The following FNDC3B variants were observed in gnomAD, a reference collection of about 807,000 sequenced individuals.
FNDC3B encodes the protein fibronectin type III domain-containing protein 3B.
Under a neutral mutation model 151.5 loss-of-function variants are expected in FNDC3B, and 12 were observed. The ratio of observed to expected loss-of-function variants is 0.08; its 90% CI spans 0.05 to 0.13. The LOEUF (loss-of-function observed/expected upper bound fraction) is 0.13. Among genes scored for constraint, FNDC3B ranks in the 10% least tolerant of loss-of-function variants. FNDC3B has a pLI of 1.00. For missense variants in FNDC3B, 1,214 were observed against 1,505.3 expected (o/e 0.81, Z 3.20); for synonymous variants, 528 against 549.0 (o/e 0.96, Z 0.54).
At chr3:172,394,436 C>G (rs7615556) in intron 25 of FNDC3B, among the ~76,000 whole-genome samples, 1 of 151,754 alleles carries the variant, frequency 6.6e-6, no homozygotes, top group Non-Finnish European at 1.5e-5. Flanking sequence ...GCAAATACCC[C>G]AGAAATACAC....
chr3:172,057,204 T>C (rs892513362), intron 1 of FNDC3B, among the ~76,000 whole-genome samples: 1 of 152,200 alleles, frequency 6.6e-6, no homozygotes, highest in Non-Finnish European at 1.5e-5. Flanking sequence ...AGCGATCAGG[T>C]CTTGACATTA....
intron 3 of FNDC3B, among the ~76,000 whole-genome samples, chr3:172,207,092 T>C (rs908331038): frequency 2.5e-5 from 3 of 118,232 alleles, no homozygotes; most frequent in East Asian, 5.0e-4. Flanking sequence ...ACCCAGAGAA[T>C]TGGTAGTCCC....
chr3:172,066,448 C>T (rs139742510), intron 1 of FNDC3B, among the ~76,000 whole-genome samples: 2 of 152,328 alleles, frequency 1.3e-5, no homozygotes, highest in East Asian at 3.9e-4. Flanking sequence ...TAGGTAACTC[C>T]CTTCTGCAGC....
intron 1 of FNDC3B, among the ~76,000 whole-genome samples, chr3:172,076,178 A>C (rs1717998873): frequency 6.6e-6 from 1 of 152,234 alleles, no homozygotes; most frequent in South Asian, 2.1e-4. Flanking sequence ...ATAAAATTTA[A>C]CTAGGGCCAG....
chr3:172,203,730 A>G (rs1725276622), intron 3 of FNDC3B, among the ~76,000 whole-genome samples: 1 of 152,194 alleles, frequency 6.6e-6, no homozygotes, highest in Admixed American at 6.5e-5. Flanking sequence ...TACATTTCAT[A>G]CCTTTCCAGC....
At chr3:172,188,470 A>G (rs1341553481) in intron 3 of FNDC3B, among the ~76,000 whole-genome samples, 1 of 151,500 alleles carries the variant, frequency 6.6e-6, no homozygotes, top group Admixed American at 6.6e-5. Context: ...TAGCGACGCG[A>G]TCTTGGCTCA....
intron 1 of FNDC3B, among the ~76,000 whole-genome samples, chr3:172,071,731 G>A (rs1717780246): frequency 6.6e-6 from 1 of 152,098 alleles, no homozygotes; most frequent in South Asian, 2.1e-4. Flanking sequence ...ATACTTATTA[G>A]CTAAAAAAGG....
At chr3:172,394,839 C>T (rs767109389) in intron 25 of FNDC3B, among the ~76,000 whole-genome samples, 1 of 152,006 alleles carries the variant, frequency 6.6e-6, no homozygotes, top group East Asian at 1.9e-4. Context: ...GTAAAAATCC[C>T]CAGTATAATG....
At chr3:172,089,309 A>G (rs189421956) in intron 1 of FNDC3B, among the ~76,000 whole-genome samples, 73 of 152,316 alleles carry the variant, frequency 4.8e-4, no homozygotes, top group Admixed American at 4.8e-3. Context: ...GTACAGTATA[A>G]AACTAGGGGC....
At chr3:172,397,021 G>C (rs1736323983) in intron 25 of FNDC3B, 143 bp from the exon 26 acceptor site, 1 of 631,884 alleles carries the variant, frequency 1.6e-6, no homozygotes, top group Non-Finnish European at 2.7e-6. Flanking sequence ...CAGATTGAGA[G>C]AAGTACATTT....
chr3:172,401,245 C>T lies in FNDC3B; in HGVS notation c.*3770C>T, dbSNP rs761259994. 6.6e-6 allele frequency: 1 copy of T among 152,194 alleles called. No homozygotes were observed. Among genetic ancestry groups the T allele is most frequent in the Non-Finnish European group, 1.5e-5 (1 of 68,074 alleles). 9.4% of individuals were successfully genotyped at this position (152,194 alleles called of 1,614,324 possible). Reference sequence around the variant, plus strand: ...ATTCTTCCCTTTTAAATACTTAAAGCACATTCAGATTAGTTGAAAATTCAC... The same window carrying T: ...ATTCTTCCCTTTTAAATACTTAAAGTACATTCAGATTAGTTGAAAATTCAC... On this transcript the variant is annotated 3_prime_UTR_variant, in exon 26 of 26. Transcript: ENST00000415807.
rs564094069 is a variant in FNDC3B at position 172,394,804 on chromosome 3, G to A, written c.3304-2360G>A. 5.9e-5 allele frequency among the ~76,000 whole-genome samples: 9 copies of A among 152,086 alleles called. No individual in the cohort carries two copies. In the South Asian group the frequency reaches 1.9e-3, roughly 32 times the overall value. On this transcript the variant is annotated intron_variant, in intron 25 of 25. Coordinates refer to ENST00000415807, the MANE Select transcript of FNDC3B (RefSeq NM_022763.4). ...AAATAATAATAATAATAAATTACAG[G>A]CCAATATCCTTTATGAACATAGATG...
At chr3:172,045,764 GTGTC>G (rs1332558062) in intron 1 of FNDC3B, among the ~76,000 whole-genome samples, 1 of 102,778 alleles carries the variant, frequency 9.7e-6, no homozygotes, top group African/African-American at 4.0e-5. Context: ...AGTTTACTGA[GTGTC>G]TCTCTCTCTC....
intron 1 of FNDC3B, among the ~76,000 whole-genome samples, chr3:172,068,423 C>CTT (rs11459544): frequency 0.083 from 10,173 of 122,458 alleles, 767 homozygotes; most frequent in East Asian, 0.26. Flanking sequence ...TGTGAGGAGC[C>CTT]TTTTTTTTTT....
chr3:172,235,748 A>G (rs1199010449), intron 4 of FNDC3B, among the ~76,000 whole-genome samples: 1 of 152,226 alleles, frequency 6.6e-6, no homozygotes, highest in Non-Finnish European at 1.5e-5. Flanking sequence ...CACAGGTGTG[A>G]AAGTCTTGAA....
At chr3:172,161,611 C>T (rs946638805) in intron 3 of FNDC3B, among the ~76,000 whole-genome samples, 16 of 152,188 alleles carry the variant, frequency 1.1e-4, no homozygotes, top group African/African-American at 3.6e-4. Context: ...TGGACACATG[C>T]GTGTATTTAC....
At chr3:172,155,272 C>G (rs1559992216) in intron 3 of FNDC3B, among the ~76,000 whole-genome samples, 1 of 152,146 alleles carries the variant, frequency 6.6e-6, no homozygotes, top group Non-Finnish European at 1.5e-5. Flanking sequence ...GAGGATTCTT[C>G]TTTGGAGATA....
Position 172,295,446 on chromosome 3 carries a change from C to T in FNDC3B, c.933C>T (p.Ser311=), listed in dbSNP as rs767568739. The change falls in exon 8 of 26, where the codon TCC becomes TCT. Residue 311 remains serine, a synonymous_variant. Transcript: ENST00000415807. ...GLSCGPHSGL[S]FPYSYEVALS... ...CCTGTGGACCCCACAGTGGTCTTTC[C>T]TTCCCCTACAGTTACGAGGTGGCCT... 9 of 1,614,072 alleles carry T rather than the reference C, an allele frequency of 5.6e-6. No homozygotes were observed. The East Asian group carries it at 2.0e-4, about 36-fold the overall frequency.
intron 6 of FNDC3B, among the ~76,000 whole-genome samples, chr3:172,279,749 T>C (rs4894415): frequency 0.49 from 74,321 of 152,104 alleles, 19,797 homozygotes; most frequent in African/African-American, 0.72. Flanking sequence ...TAACTGTGGA[T>C]CATAGTCACT....
Sources: gnomAD v4.1 joint callset for allele counts (sites outside exome capture counted in the v4.1 genomes callset) on GRCh38, gnomAD v4.1.1 for gene constraint, MANE v1.5 for transcripts, NCBI Gene and HGNC (gene_info 2026-07-23, HGNC 2026-07-21) for gene names.